CRACD: variants seen among roughly 807,000 people sequenced by gnomAD.
The protein encoded by CRACD is capping protein-inhibiting regulator of actin dynamics.
In CRACD, 56 loss-of-function variants were observed where a neutral mutation model predicts 106.8. The ratio of observed to expected loss-of-function variants is 0.52; its 90% confidence interval spans 0.42 to 0.66. CRACD has a LOEUF of 0.66. Among genes scored for constraint, CRACD ranks in the 30% least tolerant of loss-of-function variants. The pLI, the probability that CRACD is intolerant of heterozygous loss-of-function variation, is 0.00. For missense variants in CRACD, 1,730 were observed against 1,623.2 expected, an observed-to-expected ratio of 1.07 and a Z score of -1.13; for synonymous variants, 754 against 670.8, an observed-to-expected ratio of 1.12 and a Z score of -1.92.
chr4:56,187,747 T>G (rs1266282112), intron 2 of CRACD, among the ~76,000 whole-genome samples: 1 of 152,094 alleles, frequency 6.6e-6, no homozygotes, highest in African/African-American at 2.4e-5. Flanking sequence ...CTTTCATCAT[T>G]TCAACAGACG....
intron 1 of CRACD, among the ~76,000 whole-genome samples, chr4:56,056,010 TG>T (rs769754394): frequency 7.9e-5 from 12 of 152,240 alleles, no homozygotes; most frequent in Non-Finnish European, 1.6e-4. Context: ...GAAGATAACA[TG>T]GTTATCAAAT....
chr4:56,322,907 T>TA (rs1430522474), intron 8 of CRACD, among the ~76,000 whole-genome samples: 4 of 152,108 alleles, frequency 2.6e-5, no homozygotes, highest in Admixed American at 6.6e-5. Flanking sequence ...CAGGCGCCTG[T>TA]AGTCCTAGCT....
At chr4:56,227,310 A>G (rs1275577642) in intron 2 of CRACD, among the ~76,000 whole-genome samples, 2 of 152,206 alleles carry the variant, frequency 1.3e-5, no homozygotes, top group Admixed American at 6.5e-5. Context: ...TGGAATAATC[A>G]TAGCCAGACA....
chr4:56,214,677 C>CTATATATATA lies in CRACD; in HGVS notation c.-189+35248_-189+35249insATATATATAT, dbSNP rs748365524. Among the ~76,000 whole-genome samples the CTATATATATA allele has an allele frequency of 6.2e-4, 43 of 68,882 alleles. 1 individual carries two copies. Among genetic ancestry groups the CTATATATATA allele is most frequent in the African/African-American group, 2.0e-3 (40 of 19,930 alleles). 45.2% of individuals were successfully genotyped at this position (68,882 alleles called of 152,430 possible). Reference sequence around the variant, plus strand: ...ACTCTCTCTCTCTCTCTCTCTCTCTCTCTCTATATATATATATATCAAACA... The same window carrying CTATATATATA: ...ACTCTCTCTCTCTCTCTCTCTCTCTCTATATATATATCTCTATATATATATATATCAAACA... On this transcript the variant is annotated intron_variant, in intron 2 of 10. Coordinates refer to ENST00000682029, the MANE Select transcript of CRACD (RefSeq NM_001393381.1).
chr4:56,125,068 C>A (rs996471961), intron 1 of CRACD, among the ~76,000 whole-genome samples: 1 of 152,114 alleles, frequency 6.6e-6, no homozygotes, highest in East Asian at 1.9e-4. Context: ...ACGTTATGTT[C>A]ATTCTAAAAA....
At chr4:56,197,944 T>A in intron 2 of CRACD, among the ~76,000 whole-genome samples, 1 of 152,326 alleles carries the variant, frequency 6.6e-6, no homozygotes, top group Non-Finnish European at 1.5e-5. Flanking sequence ...CCCAAAATGC[T>A]GGAATTACAG....
chr4:56,172,020 C>CTTT lies in CRACD; in HGVS notation c.-335-7251_-335-7249dup, dbSNP rs35574683. Among the ~76,000 whole-genome samples, 54 of 106,392 alleles carry CTTT rather than the reference C, an allele frequency of 5.1e-4. 1 individual carries two copies. The highest frequency in any genetic ancestry group is 6.6e-4 in the East Asian group (3 of 4,512). 69.8% of individuals were successfully genotyped at this position (106,392 alleles called of 152,430 possible). A position where few individuals can be genotyped will look rare whatever the true frequency, so the allele number is the denominator to read the frequency against. ...GTGGAGGTATCTTTTGAGGGTTTCT[C>CTTT]TTTTTTTTTTTTTTTCAACTTTACA... On this transcript the variant is annotated intron_variant, in intron 1 of 10. Coordinates refer to ENST00000682029, the MANE Select transcript of CRACD (RefSeq NM_001393381.1).
intron 1 of CRACD, among the ~76,000 whole-genome samples, chr4:56,095,503 T>C (rs1008821924): frequency 1.3e-5 from 2 of 151,898 alleles, no homozygotes; most frequent in African/African-American, 4.8e-5. Context: ...CTTGAAGAAA[T>C]CGAGGTGGTA....
chr4:56,286,133 C>T (rs1743325550), intron 3 of CRACD, among the ~76,000 whole-genome samples: 1 of 152,236 alleles, frequency 6.6e-6, no homozygotes, highest in African/African-American at 2.4e-5. Flanking sequence ...TGGCTCATGA[C>T]CGTAATCCCA....
At chr4:56,152,527 C>G (rs1002129197) in intron 1 of CRACD, among the ~76,000 whole-genome samples, 4 of 151,926 alleles carry the variant, frequency 2.6e-5, no homozygotes, top group African/African-American at 9.7e-5. Context: ...GTAGTCCCAG[C>G]TACTGCAGAG....
chr4:56,266,735 A>G (rs1197165841), intron 2 of CRACD, among the ~76,000 whole-genome samples: 1 of 152,218 alleles, frequency 6.6e-6, no homozygotes, highest in Non-Finnish European at 1.5e-5. Context: ...TACTTAATCC[A>G]GTTGATTCTG....
chr4:56,238,585 ATAGCGGTGCAGC>A (rs1740141876), intron 2 of CRACD, among the ~76,000 whole-genome samples: 2 of 152,234 alleles, frequency 1.3e-5, no homozygotes, highest in African/African-American at 2.4e-5. Context: ...GAGGATGGAT[ATAGCGGTGCAGC>A]CATTTTTGGA....
chr4:56,314,407 A>T lies in CRACD; in HGVS notation c.905A>T (p.Asp302Val), dbSNP rs1163650471. 1 of 1,127,470 alleles carries T rather than the reference A, an allele frequency of 8.9e-7. No homozygotes were observed. Among genetic ancestry groups the T allele is most frequent in the Admixed American group, 2.8e-5 (1 of 36,312 alleles). 69.8% of individuals were successfully genotyped at this position (1,127,470 alleles called of 1,614,324 possible). Reference protein sequence around the residue: ...QRSLEAPGWEDAERREREERE... With the variant: ...QRSLEAPGWEVAERREREERE... ...AGCCTGGAAGCGCCAGGTTGGGAGGACGCGGAGCGGAGGGAGCGTGAGGAG... is the reference window on the plus strand; with the variant it reads ...AGCCTGGAAGCGCCAGGTTGGGAGGTCGCGGAGCGGAGGGAGCGTGAGGAG... The change falls in exon 8 of 11, where the codon GAC becomes GTC. Residue 302 changes from aspartate (D) to valine (V), a missense_variant. Asp to Val is a radical substitution (Grantham distance 152, BLOSUM62 -3). Around this residue, in one of 5 missense-constraint regions of CRACD, gnomAD observed 1,620 missense variants for 1,481.6 expected, o/e 1.09. Coordinates refer to ENST00000682029, the MANE Select transcript of CRACD (RefSeq NM_001393381.1). This position sits in a 1 kb window ranked among gnomAD's most constrained non-coding sequence, Gnocchi z 4.4.
At chr4:56,234,238 C>T (rs1011262720) in intron 2 of CRACD, among the ~76,000 whole-genome samples, 2 of 152,178 alleles carry the variant, frequency 1.3e-5, no homozygotes, top group Non-Finnish European at 2.9e-5. Context: ...TACTCAGTAG[C>T]AATCACTCCC....
Position 56,315,519 on chromosome 4 carries a change from T to C in CRACD, c.2017T>C (p.Ser673Pro). 1 of 1,613,812 alleles carries C rather than the reference T, an allele frequency of 6.2e-7. No homozygotes were observed. The highest frequency in any genetic ancestry group is 8.5e-7 in the Non-Finnish European group (1 of 1,179,998). ...SALAEWASIR[S>P]RILKNAESDP... is the part of the protein sequence containing the mutation. ...ACTCGCAGAATGGGCTTCCATTCGGTCCAGAATCCTGAAGAACGCAGAGAG... is the reference window on the plus strand; with the variant it reads ...ACTCGCAGAATGGGCTTCCATTCGGCCCAGAATCCTGAAGAACGCAGAGAG... The change falls in exon 8 of 11, where the codon TCC becomes CCC. Residue 673 changes from serine to proline, a missense_variant. Around this residue, in one of 5 missense-constraint regions of CRACD, gnomAD observed 1,620 missense variants for 1,481.6 expected, o/e 1.09. Transcript: ENST00000682029. This position sits in a 1 kb window ranked among gnomAD's most constrained non-coding sequence, Gnocchi z 4.1.
At chr4:56,318,487 C>G (rs900285785) in intron 8 of CRACD, among the ~76,000 whole-genome samples, 1 of 152,198 alleles carries the variant, frequency 6.6e-6, no homozygotes, top group Admixed American at 6.5e-5. Flanking sequence ...ACAGCCTCGT[C>G]TGCTATGTCA....
chr4:56,290,230 G>A (rs926240246), intron 3 of CRACD, among the ~76,000 whole-genome samples: 2 of 152,172 alleles, frequency 1.3e-5, no homozygotes, highest in African/African-American at 4.8e-5. Flanking sequence ...CATTGTCTTT[G>A]AAGGATTTCT....
chr4:56,295,338 A>G lies in CRACD; in HGVS notation c.-16-2876A>G, dbSNP rs982753935. 6.6e-5 allele frequency among the ~76,000 whole-genome samples: 10 copies of G among 152,164 alleles called. No individual in the cohort carries two copies. The East Asian group carries it at 1.3e-3, about 21-fold the overall frequency. ...ATGCAAGATACATCACAAGTGTCCA[A>G]TAAAATTTAGCTAGGATAAATGTTA... On this transcript the variant is annotated intron_variant, in intron 3 of 10. Transcript: ENST00000682029.
At chr4:56,144,974 G>C (rs1437832476) in intron 1 of CRACD, among the ~76,000 whole-genome samples, 1 of 152,120 alleles carries the variant, frequency 6.6e-6, no homozygotes, top group Non-Finnish European at 1.5e-5. Flanking sequence ...TTTTAGTAGA[G>C]ATTGGGTTTT....
Sources: allele counts gnomAD v4.1 joint callset (sites outside exome capture counted in the v4.1 genomes callset), GRCh38; gene constraint gnomAD v4.1.1; regional missense constraint gnomAD v4.1.1; non-coding constraint Gnocchi (gnomAD v3.1); transcripts MANE v1.5; gene names NCBI Gene and HGNC (gene_info 2026-07-23, HGNC 2026-07-21).